CALB2: variants seen among roughly 807,000 people sequenced by gnomAD.
CALB2 encodes calretinin.
Under a neutral mutation model 45.9 loss-of-function variants are expected in CALB2, and 34 were observed. That is an observed-to-expected ratio of 0.74 (90% CI 0.56 to 0.99). CALB2 has a LOEUF of 0.99. CALB2 is among the 50% of genes least tolerant of loss of function. The pLI, the probability that CALB2 is intolerant of heterozygous loss-of-function variation, is 0.00. For synonymous variants in CALB2, 142 were observed against 129.6 expected, an observed-to-expected ratio of 1.10 and a Z score of -0.65; for missense variants, 344 against 339.3, an observed-to-expected ratio of 1.01 and a Z score of -0.11.
chr16:71,385,614 C>T lies in CALB2; in HGVS notation c.665C>T (p.Ala222Val), dbSNP rs150780459. 1.9e-6 allele frequency: 3 copies of T among 1,613,846 alleles called. No homozygotes were observed. The African/African-American group carries it at 4.0e-5, about 22-fold the overall frequency. Residue 222 changes from alanine (A) to valine (V), a missense_variant, in exon 10 of 11, where the codon GCC becomes GTC. This residue lies in a region of CALB2 where 263 missense variants were observed against 241.7 expected (regional missense o/e 1.09). Coordinates refer to ENST00000302628, the MANE Select transcript of CALB2 (RefSeq NM_001740.5). Reference protein sequence around the residue: ...SGYIDEHELDALLKDLYEKNK... With the variant: ...SGYIDEHELDVLLKDLYEKNK... ...TACATTGACGAGCATGAGCTGGATG[C>T]CCTTTTGAAGGATCTGTACGAGAAA...
chr16:71,384,992 G>GTCATTCTC (rs1288005173), intron 9 of CALB2, among the ~76,000 whole-genome samples, 156 bp downstream of exon 9: 2 of 152,124 alleles, frequency 1.3e-5, no homozygotes, highest in African/African-American at 4.8e-5. Context: ...GAAGGCAAAT[G>GTCATTCTC]TCATTCTCCA....
intron 4 of CALB2, among the ~76,000 whole-genome samples, chr16:71,382,270 T>C (rs1293116056): frequency 6.6e-6 from 1 of 152,164 alleles, no homozygotes; most frequent in Non-Finnish European, 1.5e-5. Flanking sequence ...TTGCCCCAGA[T>C]GTGGGCAGTC....
chr16:71,382,429 GC>G (rs2042509651), intron 4 of CALB2, among the ~76,000 whole-genome samples: 1 of 152,204 alleles, frequency 6.6e-6, no homozygotes, highest in African/African-American at 2.4e-5. Context: ...AAACTTAGCA[GC>G]CTGAAGCAAC....
chr16:71,364,974 A>T (rs1028235386), intron 1 of CALB2, among the ~76,000 whole-genome samples: 2 of 152,180 alleles, frequency 1.3e-5, no homozygotes, highest in African/African-American at 4.8e-5. Flanking sequence ...GATGGGGTTG[A>T]TAACTGCTTA....
At chr16:71,371,619 T>C (rs1412610382) in intron 1 of CALB2, among the ~76,000 whole-genome samples, 1 of 152,184 alleles carries the variant, frequency 6.6e-6, no homozygotes, top group Admixed American at 6.5e-5. Flanking sequence ...TTCCTGGGTC[T>C]CTGTGTCTCC....
At chr16:71,379,094 T>G (rs2042453455) in intron 4 of CALB2, among the ~76,000 whole-genome samples, 2 of 151,988 alleles carry the variant, frequency 1.3e-5, no homozygotes, top group Non-Finnish European at 2.9e-5. Flanking sequence ...CTGGGCAACA[T>G]GGAAAAACCC....
rs2042617459 is a variant in CALB2, at chr16:71,389,887, T to C, written c.*22T>C. 2 of 1,539,860 alleles carry C rather than the reference T, an allele frequency of 1.3e-6. No homozygotes were observed. The highest frequency in any genetic ancestry group is 2.7e-5 in the African/African-American group (2 of 73,436). ...GTAAAGTGGGGACGGGGGCTGCTTC[T>C]CCACCTCCCCCAAACCCTGCTTCTG... On this transcript the variant is annotated 3_prime_UTR_variant, in exon 11 of 11. Transcript: ENST00000302628.
At chr16:71,367,053 GA>G (rs1472785919) in intron 1 of CALB2, among the ~76,000 whole-genome samples, 3 of 152,114 alleles carry the variant, frequency 2.0e-5, no homozygotes, top group Non-Finnish European at 4.4e-5. Context: ...TCTTTTCACT[GA>G]GGGGTGAAGC....
intron 4 of CALB2, among the ~76,000 whole-genome samples, chr16:71,382,036 AGG>A (rs2042499187): frequency 9.4e-6 from 1 of 106,300 alleles, no homozygotes; most frequent in Admixed American, 1.2e-4. Flanking sequence ...GAGGAGGAGG[AGG>A]AGGAGTAGGA....
intron 4 of CALB2, among the ~76,000 whole-genome samples, chr16:71,382,310 G>C (rs1023299527): frequency 9.2e-5 from 14 of 152,188 alleles, no homozygotes; most frequent in African/African-American, 3.4e-4. Context: ...CCCTCCTGTG[G>C]CTTTCTCTCT....
intron 9 of CALB2, among the ~76,000 whole-genome samples, chr16:71,385,113 G>A (rs1453302466): frequency 6.6e-6 from 1 of 152,130 alleles, no homozygotes; most frequent in Non-Finnish European, 1.5e-5. Context: ...GGAGCCAAAG[G>A]GAAGAGACAC....
At chr16:71,383,232 C>T (rs997140623) in intron 5 of CALB2, 135 bp from the exon 6 acceptor site, 4 of 816,006 alleles carry the variant, frequency 4.9e-6, no homozygotes, top group South Asian at 3.0e-5. Context: ...TTATGAGGGC[C>T]CTGAGTCATA....
chr16:71,385,346 G>A (rs941697095), intron 9 of CALB2: 11 of 463,578 alleles, frequency 2.4e-5, no homozygotes, highest in Non-Finnish European at 3.8e-5. Context: ...AATTTTCAAC[G>A]CACATGAAAA....
At chr16:71,363,057 G>A (rs62055046) in intron 1 of CALB2, among the ~76,000 whole-genome samples, 5,133 of 150,808 alleles carry the variant, frequency 0.034, 145 homozygotes, top group Non-Finnish European at 0.054. Flanking sequence ...GGTGGCGCAC[G>A]CCTGTAGTCC....
chr16:71,370,098 T>C (rs555472683), intron 1 of CALB2, among the ~76,000 whole-genome samples: 4 of 152,356 alleles, frequency 2.6e-5, no homozygotes, highest in Middle Eastern at 3.4e-3. Flanking sequence ...TGCGAGCCCA[T>C]TGCAATCATG....
At chr16:71,382,644 T>C in intron 4 of CALB2, 75 bp from the exon 5 acceptor site, 2 of 1,470,274 alleles carry the variant, frequency 1.4e-6, no homozygotes, top group Non-Finnish European at 9.4e-7. Context: ...GGGTGGCCCA[T>C]TAAAGGGGAA....
intron 1 of CALB2, among the ~76,000 whole-genome samples, chr16:71,369,214 G>A (rs2042319302): frequency 6.6e-6 from 1 of 152,204 alleles, no homozygotes; most frequent in African/African-American, 2.4e-5. Flanking sequence ...AGCGCTGCGA[G>A]TGTATTATTA....
At chr16:71,386,956 G>A (rs1190980167) in intron 10 of CALB2, among the ~76,000 whole-genome samples, 1 of 152,202 alleles carries the variant, frequency 6.6e-6, no homozygotes, top group Non-Finnish European at 1.5e-5. Flanking sequence ...GAAGAAGGAA[G>A]TACTCACCAG....
intron 4 of CALB2, among the ~76,000 whole-genome samples, chr16:71,378,962 G>A (rs2042451468): frequency 6.6e-6 from 1 of 152,154 alleles, no homozygotes; most frequent in African/African-American, 2.4e-5. Context: ...CTATGATAAG[G>A]TTTCGGTTTT....
Sources: allele counts gnomAD v4.1 joint callset (sites outside exome capture counted in the v4.1 genomes callset), GRCh38; gene constraint gnomAD v4.1.1; regional missense constraint gnomAD v4.1.1; transcripts MANE v1.5; gene names NCBI Gene and HGNC (gene_info 2026-07-23, HGNC 2026-07-21).